The following PCDHAC1 variants were observed in gnomAD, a reference collection of about 807,000 sequenced individuals.
PCDHAC1 encodes the protein protocadherin alpha-C1.
PCDHAC1 carries 42 observed loss-of-function variants against 60.0 expected under a neutral mutation model. The observed-to-expected ratio is 0.70, with a 90% CI of 0.55 to 0.90. The LOEUF is 0.90. PCDHAC1 is among the 40% of genes least tolerant of loss of function. The pLI is 0.00. For synonymous variants in PCDHAC1, 468 were observed against 499.3 expected (o/e 0.94, Z 0.84); for missense variants, 1,160 against 1,222.3 (o/e 0.95, Z 0.76).
At chr5:140,972,708 G>C (rs1309799075) in intron 1 of PCDHAC1, among the ~76,000 whole-genome samples, 1 of 146,140 alleles carries the variant, frequency 6.8e-6, no homozygotes, top group East Asian at 2.0e-4. Context: ...TCTGTTGCCA[G>C]GCTGGAGTGC....
intron 3 of PCDHAC1, among the ~76,000 whole-genome samples, chr5:141,002,937 C>T (rs2098103358): frequency 6.6e-6 from 1 of 152,232 alleles, no homozygotes; most frequent in Non-Finnish European, 1.5e-5. Context: ...CCAACACCCT[C>T]CAGCACATGC....
At position 141,001,385 on chromosome 5, in the gene PCDHAC1, T is replaced by A. The variant is rs540420313; in HGVS notation, c.2582-8242T>A. 3.9e-5 allele frequency among the ~76,000 whole-genome samples: 6 copies of A among 152,316 alleles called. No homozygotes were observed. The East Asian group carries it at 1.2e-3, about 29-fold the overall frequency. ...ACTATTCTGATTACAGAGCCTAAGA[T>A]CCTACAGAGAACAGGGAGTATATTT... On this transcript the variant is annotated intron_variant, in intron 3 of 3. Transcript: ENST00000253807.
rs1052880282 is a variant in PCDHAC1 at position 140,969,588 on chromosome 5, T to C, written c.2434-9361T>C. On this transcript the variant is annotated intron_variant, in intron 1 of 3. Coordinates refer to ENST00000253807, the MANE Select transcript of PCDHAC1 (RefSeq NM_018898.5). ...TTGTTTGAGAAGTGAGGATTAGTCT[T>C]AATATTTAATGCTAAAACACAGATT... 31 of 849,754 alleles carry C rather than the reference T, an allele frequency of 3.6e-5. No individual in the cohort carries two copies. The African/African-American group carries it at 5.3e-4, about 15-fold the overall frequency. The allele number at this position is 849,754 out of a possible 1,614,324, so 52.6% of individuals were successfully genotyped here. A position where few individuals can be genotyped will look rare whatever the true frequency, so the allele number is the denominator to read the frequency against.
intron 1 of PCDHAC1, among the ~76,000 whole-genome samples, chr5:140,961,617 C>T (rs781986571): frequency 2.0e-5 from 3 of 152,086 alleles, no homozygotes; most frequent in Non-Finnish European, 4.4e-5. Context: ...AACTAAAGTG[C>T]CCATATGAAA....
At chr5:140,946,038 G>T (rs782421286) in intron 1 of PCDHAC1, among the ~76,000 whole-genome samples, 29 of 152,042 alleles carry the variant, frequency 1.9e-4, no homozygotes, top group Non-Finnish European at 4.0e-4. Flanking sequence ...CAAGAGTGAA[G>T]GGACAATCCA....
At chr5:140,938,209 G>A (rs1210350140) in intron 1 of PCDHAC1, among the ~76,000 whole-genome samples, 3 of 152,160 alleles carry the variant, frequency 2.0e-5, no homozygotes, top group Admixed American at 6.5e-5. Flanking sequence ...GCCTCCCAAA[G>A]TGCTGGGATT....
chr5:140,965,323 G>A (rs2095891055), intron 1 of PCDHAC1, among the ~76,000 whole-genome samples: 1 of 152,176 alleles, frequency 6.6e-6, no homozygotes, highest in South Asian at 2.1e-4. Flanking sequence ...TTTTACTGAA[G>A]TGAATTTGTT....
intron 1 of PCDHAC1, among the ~76,000 whole-genome samples, chr5:140,970,594 T>C (rs975404675): frequency 6.6e-6 from 1 of 152,206 alleles, no homozygotes; most frequent in Admixed American, 6.5e-5. Flanking sequence ...ATATGCTTTG[T>C]GATACTTAAA....
At chr5:140,957,726 A>T (rs1297510940) in intron 1 of PCDHAC1, among the ~76,000 whole-genome samples, 4 of 152,164 alleles carry the variant, frequency 2.6e-5, no homozygotes, top group Non-Finnish European at 5.9e-5. Flanking sequence ...AAGAAGCAGA[A>T]TTATATATAC....
rs781870271 is a variant in PCDHAC1, at chr5:140,968,199, T to C, written c.2434-10750T>C. The C allele has an allele frequency of 4.3e-6, 7 of 1,613,986 alleles. No homozygotes were observed. The South Asian group carries it at 7.7e-5, about 18-fold the overall frequency. The stretch of plus-strand genomic sequence containing the variant: ...CTGGAGGACTCCTATTCCATCTACA[T>C]ACAGGAGAACAATTTGCCAGGTGTG... On this transcript the variant is annotated intron_variant, in intron 1 of 3. Transcript: ENST00000253807.
intron 1 of PCDHAC1, chr5:140,966,454 C>G (rs897696652): frequency 1.6e-5 from 7 of 426,406 alleles, no homozygotes; most frequent in Non-Finnish European, 1.6e-5. Flanking sequence ...TCCCCCTCCC[C>G]CTCTGTCTTC....
intron 1 of PCDHAC1, among the ~76,000 whole-genome samples, chr5:140,955,323 G>A (rs1213005534): frequency 6.6e-6 from 1 of 152,098 alleles, no homozygotes; most frequent in East Asian, 1.9e-4. Flanking sequence ...ACCTTGAATT[G>A]TAGTTCCCAT....
intron 3 of PCDHAC1, among the ~76,000 whole-genome samples, chr5:140,992,328 A>G (rs2097505285): frequency 6.6e-6 from 1 of 152,150 alleles, no homozygotes; most frequent in South Asian, 2.1e-4. Flanking sequence ...CTTTTCTAAG[A>G]GCAAAGATGG....
chr5:140,941,960 A>G (rs569784391), intron 1 of PCDHAC1, among the ~76,000 whole-genome samples: 6 of 152,354 alleles, frequency 3.9e-5, no homozygotes, highest in African/African-American at 1.4e-4. Flanking sequence ...AAACAATAGT[A>G]TCTTTACTTT....
intron 3 of PCDHAC1, among the ~76,000 whole-genome samples, chr5:141,000,361 GTCTCTCTCTCTCTC>G (rs148596731): frequency 5.7e-4 from 15 of 26,444 alleles, no homozygotes; most frequent in African/African-American, 2.0e-3. Context: ...GTCTCTCTCT[GTCTCTCTCTCTCTC>G]TCTCTCTCTC....
intron 2 of PCDHAC1, 130 bp from the exon 3 acceptor site, chr5:140,982,345 A>G: frequency 6.8e-7 from 1 of 1,471,098 alleles, no homozygotes; most frequent in Non-Finnish European, 9.1e-7. Context: ...TAATTGCTTC[A>G]GTTCAAGCAT....
chr5:140,952,709 T>C (rs2094784758), intron 1 of PCDHAC1, among the ~76,000 whole-genome samples: 1 of 152,208 alleles, frequency 6.6e-6, no homozygotes, highest in Non-Finnish European at 1.5e-5. Flanking sequence ...CCACTCTCAG[T>C]ATCAATTTTC....
chr5:140,995,993 A>G (rs1017469411), intron 3 of PCDHAC1, among the ~76,000 whole-genome samples: 16 of 152,226 alleles, frequency 1.1e-4, no homozygotes, highest in Non-Finnish European at 1.8e-4. Context: ...GCCACTCAAA[A>G]ATGTCGTCAG....
rs377029109 is a variant in PCDHAC1, at chr5:141,002,346, C to G, written c.2582-7281C>G. On this transcript the variant is annotated intron_variant, in intron 3 of 3. Coordinates refer to ENST00000253807, the MANE Select transcript of PCDHAC1 (RefSeq NM_018898.5). Reference sequence around the variant, plus strand: ...CGGGCTGCATCCGCACCCCTTCCCCCACCTCCACTCCTTTCAACTCATTCT... The same window carrying G: ...CGGGCTGCATCCGCACCCCTTCCCCGACCTCCACTCCTTTCAACTCATTCT... Among the ~76,000 whole-genome samples, 17 of 152,370 alleles carry G rather than the reference C, an allele frequency of 1.1e-4. No homozygotes were observed. The East Asian group carries it at 2.7e-3, about 24-fold the overall frequency.
Sources: gnomAD v4.1 joint callset for allele counts (sites outside exome capture counted in the v4.1 genomes callset) on GRCh38, gnomAD v4.1.1 for gene constraint, MANE v1.5 for transcripts, NCBI Gene and HGNC (gene_info 2026-07-23, HGNC 2026-07-21) for gene names.